Variants in DNAH6 observed in about 807,000 individuals in gnomAD.
The protein encoded by DNAH6 is dynein axonemal heavy chain 6.
DNAH6 carries 340 observed loss-of-function variants against 491.4 expected under a neutral mutation model. That is an observed-to-expected ratio of 0.69 (90% CI 0.63 to 0.76). The LOEUF (loss-of-function observed/expected upper bound fraction) is 0.76, where lower values mean the gene tolerates loss of function less well. Among genes scored for constraint, DNAH6 ranks in the 30% least tolerant of loss-of-function variants. The pLI is 0.00. For synonymous variants in DNAH6, 1,603 were observed against 1,686.1 expected, an observed-to-expected ratio of 0.95 and a Z score of 1.21; for missense variants, 4,443 against 4,972.2, an observed-to-expected ratio of 0.89 and a Z score of 3.20.
At chr2:84,514,851 C>T (rs1023353933), upstream of DNAH6, among the ~76,000 whole-genome samples, 2 of 105,020 alleles carry the variant, frequency 1.9e-5, no homozygotes, top group African/African-American at 3.8e-5. Flanking sequence ...ATCCTCCCAC[C>T]CCCACTTCAC....
At chr2:84,559,461 C>G (rs1680426273) in intron 11 of DNAH6, among the ~76,000 whole-genome samples, 2 of 152,152 alleles carry the variant, frequency 1.3e-5, no homozygotes, top group Non-Finnish European at 2.9e-5. Context: ...GTGGGAAGGT[C>G]ACTTGAGCTC....
intron 4 of DNAH6, 84 bp downstream of exon 4, chr2:84,529,250 A>C: frequency 2.0e-6 from 2 of 1,025,420 alleles, no homozygotes; most frequent in Non-Finnish European, 2.7e-6. Context: ...GGATATTAAT[A>C]ATAACAATAT....
chr2:84,766,544 A>G (rs1036155445), intron 64 of DNAH6, among the ~76,000 whole-genome samples: 1 of 152,196 alleles, frequency 6.6e-6, no homozygotes, highest in Non-Finnish European at 1.5e-5. Flanking sequence ...AAATTGATGC[A>G]TATTTGTGGA....
chr2:84,696,548 GA>G (rs1695409550), intron 46 of DNAH6, among the ~76,000 whole-genome samples: 2 of 151,854 alleles, frequency 1.3e-5, no homozygotes, highest in Admixed American at 1.3e-4. Flanking sequence ...AGACACATAA[GA>G]AAATGGAACA....
intron 10 of DNAH6, among the ~76,000 whole-genome samples, chr2:84,553,327 A>ACT (rs1334197151): frequency 1.1e-4 from 1 of 9,422 alleles, no homozygotes; most frequent in Non-Finnish European, 1.6e-4. Context: ...TGAAGAGATC[A>ACT]CTTGTGAATA....
chr2:84,715,762 CAAGT>C lies in DNAH6; in HGVS notation c.9611+140_9611+143del, dbSNP rs960612345. 5.1e-5 allele frequency: 41 copies of C among 805,510 alleles called. 1 individual carries two copies. The highest frequency in any genetic ancestry group is 4.8e-4 in the Middle Eastern group (2 of 4,156). The allele number at this position is 805,510 out of a possible 1,614,324, so 49.9% of individuals were successfully genotyped here. On this transcript the variant is annotated intron_variant, in intron 58 of 76. Coordinates refer to ENST00000389394, the MANE Select transcript of DNAH6 (RefSeq NM_001370.2). ...ATGAACCCTTAATCAAAAAAAAATA[CAAGT>C]AAGTGGCCAAGTTCTTTACCATTTC...
At chr2:84,571,475 T>G (rs550188714) in intron 11 of DNAH6, among the ~76,000 whole-genome samples, 1 of 152,298 alleles carries the variant, frequency 6.6e-6, no homozygotes, top group Non-Finnish European at 1.5e-5. Context: ...ACATCACTTA[T>G]GTAGCATTAC....
chr2:84,579,403 T>A, intron 13 of DNAH6, 124 bp from the exon 14 acceptor site: 1 of 1,023,364 alleles, frequency 9.8e-7, no homozygotes, highest in Non-Finnish European at 1.4e-6. Flanking sequence ...AAAAAAAGTC[T>A]CTTCGTATTC....
intron 76 of DNAH6, among the ~76,000 whole-genome samples, chr2:84,817,214 A>C (rs1317823718): frequency 2.6e-5 from 4 of 152,190 alleles, no homozygotes; most frequent in Admixed American, 1.3e-4. Flanking sequence ...AAAATAACCA[A>C]AGAGAAGAGA....
intron 11 of DNAH6, among the ~76,000 whole-genome samples, chr2:84,562,004 A>C (rs17025283): frequency 0.024 from 3,585 of 152,198 alleles, 58 homozygotes; most frequent in Middle Eastern, 0.092. Flanking sequence ...ATATAAGCCT[A>C]AAAAAAGATA....
intron 68 of DNAH6, among the ~76,000 whole-genome samples, chr2:84,794,024 A>G (rs935087651): frequency 7.2e-5 from 11 of 152,202 alleles, no homozygotes; most frequent in Non-Finnish European, 1.5e-4. Context: ...ATAATGCCGC[A>G]TATCTACAAC....
At chr2:84,538,673 T>A (rs1677947965) in intron 4 of DNAH6, among the ~76,000 whole-genome samples, 1 of 152,110 alleles carries the variant, frequency 6.6e-6, no homozygotes, top group Non-Finnish European at 1.5e-5. Flanking sequence ...AAGTCAGTAG[T>A]TAGGATTAGG....
intron 4 of DNAH6, among the ~76,000 whole-genome samples, chr2:84,539,681 A>G (rs977832557): frequency 6.6e-6 from 1 of 152,134 alleles, no homozygotes; most frequent in African/African-American, 2.4e-5. Flanking sequence ...AGAATGTGCA[A>G]TTCCCACATT....
chr2:84,590,679 T>C (rs955229219), intron 16 of DNAH6, among the ~76,000 whole-genome samples: 1 of 152,010 alleles, frequency 6.6e-6, no homozygotes, highest in African/African-American at 2.4e-5. Context: ...CAAAGGCAAG[T>C]TGACAGTCTC....
At chr2:84,542,504 G>A (rs759993906) in intron 4 of DNAH6, among the ~76,000 whole-genome samples, 2 of 152,106 alleles carry the variant, frequency 1.3e-5, no homozygotes, top group African/African-American at 4.8e-5. Flanking sequence ...TAAAAGCCGA[G>A]CAGGTTGAAG....
chr2:84,699,453 T>C (rs1695682972), intron 47 of DNAH6, 141 bp from the exon 48 acceptor site: 1 of 737,804 alleles, frequency 1.4e-6, no homozygotes. Context: ...TTGGAGTGAA[T>C]GTTGAACAAG....
intron 69 of DNAH6, 88 bp downstream of exon 69, chr2:84,796,513 G>A: frequency 8.4e-7 from 1 of 1,191,218 alleles, no homozygotes; most frequent in Admixed American, 3.1e-5. Flanking sequence ...GGCTGTCTGT[G>A]TCAGGTCTCC....
chr2:84,514,867 T>TCACA (rs58335460), upstream of DNAH6, among the ~76,000 whole-genome samples: 607 of 139,098 alleles, frequency 4.4e-3, 7 homozygotes, highest in South Asian at 8.7e-3. Context: ...TTCACCACAG[T>TCACA]CACACACACA....
At chr2:84,746,244 G>A (rs1178027370) in intron 63 of DNAH6, among the ~76,000 whole-genome samples, 1 of 152,194 alleles carries the variant, frequency 6.6e-6, no homozygotes, top group Non-Finnish European at 1.5e-5. Context: ...TATGGGAGTT[G>A]TTAGGATCGT....
Sources: allele counts gnomAD v4.1 joint callset (sites outside exome capture counted in the v4.1 genomes callset), GRCh38; gene constraint gnomAD v4.1.1; transcripts MANE v1.5; gene names NCBI Gene and HGNC (gene_info 2026-07-23, HGNC 2026-07-21).